The following OR1L8 variants were observed in gnomAD, a reference collection of about 807,000 sequenced individuals.
OR1L8 encodes olfactory receptor family 1 subfamily L member 8.
For missense variants in OR1L8, 330 were observed against 377.4 expected (o/e 0.87, Z 1.04); for synonymous variants, 148 against 147.0 (o/e 1.01, Z -0.05).
At position 122,577,258 on chromosome 9, in the gene OR1L8, T is replaced by C. The variant is rs142007258; in HGVS notation, c.-477-357A>G. ...TTTAGTCTTTCGGTATAAGCCCATA[T>C]AGACATAGACAGTGTTAAGCAATTT... On this transcript the variant is annotated intron_variant, in intron 2 of 4. Transcript: ENST00000641027. Among the ~76,000 whole-genome samples, 758 of 152,332 alleles carry C rather than the reference T, an allele frequency of 5.0e-3. 6 individuals carry two copies. Among genetic ancestry groups the C allele is most frequent in the Non-Finnish European group, 8.6e-3 (587 of 68,028 alleles).
chr9:122,575,658 T>G (rs1178152724), intron 3 of OR1L8, among the ~76,000 whole-genome samples: 1 of 152,180 alleles, frequency 6.6e-6, no homozygotes, highest in Non-Finnish European at 1.5e-5. Flanking sequence ...ATATTTGAGG[T>G]TTACAGCATG....
chr9:122,560,439 T>A, the OR1L8 span, among the ~76,000 whole-genome samples: 1 of 152,150 alleles, frequency 6.6e-6, no homozygotes. Flanking sequence ...GTCTTTATAT[T>A]TTGGTGTTTT....
chr9:122,573,148 C>T (rs1277008788), intron 3 of OR1L8, among the ~76,000 whole-genome samples: 1 of 152,176 alleles, frequency 6.6e-6, no homozygotes, highest in African/African-American at 2.4e-5. Flanking sequence ...CTCTGTGATC[C>T]TTGTTAGGCT....
At chr9:122,552,016 TTTGGAAGGGGTAGG>T in the OR1L8 span, among the ~76,000 whole-genome samples, 1 of 94,608 alleles carries the variant, frequency 1.1e-5, no homozygotes, top group African/African-American at 3.7e-5. Context: ...CAGGTGAGGA[TTTGGAAGGGGTAGG>T]ACACATACAC....
the OR1L8 span, among the ~76,000 whole-genome samples, chr9:122,550,250 T>C: frequency 6.6e-6 from 1 of 152,082 alleles, no homozygotes; most frequent in South Asian, 2.1e-4. Context: ...TGAGATTGAA[T>C]CATACAATCT....
At chr9:122,558,016 T>C in the OR1L8 span, among the ~76,000 whole-genome samples, 1 of 151,944 alleles carries the variant, frequency 6.6e-6, no homozygotes, top group Non-Finnish European at 1.5e-5. Flanking sequence ...TGGTATTCCT[T>C]TATTATCCTT....
the OR1L8 span, among the ~76,000 whole-genome samples, chr9:122,558,134 T>C: frequency 6.6e-6 from 1 of 151,954 alleles, no homozygotes; most frequent in East Asian, 1.9e-4. Flanking sequence ...GGTATATCAA[T>C]TTTATTGATC....
downstream of OR1L8, among the ~76,000 whole-genome samples, chr9:122,564,892 C>T (rs567046110): frequency 3.3e-5 from 5 of 152,338 alleles, no homozygotes; most frequent in South Asian, 6.2e-4. Context: ...ACAGAATTCT[C>T]GACCACTTGT....
chr9:122,558,311 C>CTTTTTTTTTTTTTTTTTT, the OR1L8 span, among the ~76,000 whole-genome samples: 2 of 34,472 alleles, frequency 5.8e-5, 1 homozygote, highest in African/African-American at 2.5e-4. Flanking sequence ...TTGGATTTTG[C>CTTTTTTTTTTTTTTTTTT]TTTTTTTTTT....
chr9:122,546,549 T>C, the OR1L8 span, among the ~76,000 whole-genome samples: 1 of 152,120 alleles, frequency 6.6e-6, no homozygotes, highest in Non-Finnish European at 1.5e-5. Flanking sequence ...AAACGGAGAA[T>C]GCAGGATTTA....
At chr9:122,549,900 G>A in the OR1L8 span, among the ~76,000 whole-genome samples, 2 of 151,960 alleles carry the variant, frequency 1.3e-5, no homozygotes, top group Non-Finnish European at 1.5e-5. Context: ...ATGAAAAATG[G>A]TGTTGGTATT....
chr9:122,548,803 TTTGTTG>T, the OR1L8 span, among the ~76,000 whole-genome samples: 14,935 of 140,138 alleles, frequency 0.11, 1,114 homozygotes, highest in East Asian at 0.33. Context: ...TCCTGTGTGT[TTTGTTG>T]TTGTTGTTGT....
chr9:122,567,161 C>T lies in OR1L8; in HGVS notation c.*387G>A, dbSNP rs1393283660. On this transcript the variant is annotated 3_prime_UTR_variant, in exon 5 of 5. Transcript: ENST00000641027. ...TCTCTTTTCAATTTTTTTGCAAAAACATTCAATGGCTACAAATTACACATT... is the reference window on the plus strand; with the variant it reads ...TCTCTTTTCAATTTTTTTGCAAAAATATTCAATGGCTACAAATTACACATT... 6.3e-6 allele frequency: 1 copy of T among 157,836 alleles called. No homozygotes were observed. Among genetic ancestry groups the T allele is most frequent in the Non-Finnish European group, 1.4e-5 (1 of 72,172 alleles). 9.8% of individuals were successfully genotyped at this position (157,836 alleles called of 1,614,324 possible).
the OR1L8 span, among the ~76,000 whole-genome samples, chr9:122,558,311 CTTTTTTTTTTTTTTT>C: frequency 8.7e-5 from 3 of 34,472 alleles, no homozygotes; most frequent in African/African-American, 2.4e-4. Context: ...TTGGATTTTG[CTTTTTTTTTTTTTTT>C]TTTTTTTTTT....
chr9:122,553,712 C>T, the OR1L8 span: 76 of 1,614,020 alleles, frequency 4.7e-5, no homozygotes, highest in African/African-American at 8.5e-4. Flanking sequence ...TGTTGCTGAC[C>T]CGCGTGGCTT....
the OR1L8 span, chr9:122,554,236 C>T: frequency 7.8e-6 from 9 of 1,157,472 alleles, 1 homozygote; most frequent in South Asian, 1.3e-4. Flanking sequence ...AATTCTACTA[C>T]TGTCATGTTG....
downstream of OR1L8, among the ~76,000 whole-genome samples, chr9:122,564,870 A>G (rs1829404363): frequency 6.6e-6 from 1 of 152,238 alleles, no homozygotes. Context: ...GCCCCATGTC[A>G]TAATCAAGTT....
the OR1L8 span, among the ~76,000 whole-genome samples, chr9:122,551,906 C>A: frequency 1.3e-5 from 2 of 152,068 alleles, no homozygotes; most frequent in African/African-American, 4.8e-5. Flanking sequence ...ACTTTATTGC[C>A]TCTGAGTCAG....
downstream of OR1L8, among the ~76,000 whole-genome samples, chr9:122,564,224 T>C (rs1319916383): frequency 6.6e-6 from 1 of 152,180 alleles, no homozygotes; most frequent in Non-Finnish European, 1.5e-5. Context: ...TTAGCTCAGA[T>C]CCAACTTACG....
Sources: gnomAD v4.1 joint callset for allele counts (sites outside exome capture counted in the v4.1 genomes callset) on GRCh38, gnomAD v4.1.1 for gene constraint, MANE v1.5 for transcripts, NCBI Gene and HGNC (gene_info 2026-07-23, HGNC 2026-07-21) for gene names.